Variants in DDX60L observed in about 807,000 individuals in gnomAD.
DDX60L encodes the protein DExD/H-box 60 like, also known as probable ATP-dependent RNA helicase DDX60-like.
Under a neutral mutation model 211.6 loss-of-function variants are expected in DDX60L, and 191 were observed. That is an observed-to-expected ratio of 0.90 (90% confidence interval 0.80 to 1.02). The LOEUF is 1.02. DDX60L is among the 50% of genes least tolerant of loss of function. The pLI is 0.00. For synonymous variants in DDX60L, 706 were observed against 694.1 expected (o/e 1.02, Z -0.27); for missense variants, 2,007 against 1,984.1 (o/e 1.01, Z -0.22).
rs558879140 is a variant in DDX60L, at chr4:168,376,538, A to G, written c.4486-1014T>C. On this transcript the variant is annotated intron_variant, in intron 33 of 37. Coordinates refer to ENST00000682922, the MANE Select transcript of DDX60L (RefSeq NM_001012967.3). Reference sequence around the variant, plus strand: ...AAGAATGCCCCTACCAACTCCTTACAGTGGATAGTATGACAATTTCCACAA... The same window carrying G: ...AAGAATGCCCCTACCAACTCCTTACGGTGGATAGTATGACAATTTCCACAA... Among the ~76,000 whole-genome samples the G allele has an allele frequency of 5.8e-4, 89 of 152,356 alleles. 1 individual carries two copies. The South Asian group carries it at 0.015, about 25-fold the overall frequency.
chr4:168,426,354 G>A (rs948830876), intron 14 of DDX60L, among the ~76,000 whole-genome samples: 1 of 152,058 alleles, frequency 6.6e-6, no homozygotes, highest in African/African-American at 2.4e-5. Context: ...TGTATATGTC[G>A]GTTCCCCTTG....
At chr4:168,475,702 C>T (rs949578131) in intron 1 of DDX60L, among the ~76,000 whole-genome samples, 1 of 151,516 alleles carries the variant, frequency 6.6e-6, no homozygotes, top group Non-Finnish European at 1.5e-5. Context: ...ATGTTATATA[C>T]TAAATGTTTA....
chr4:168,430,674 T>C (rs1260449062), intron 12 of DDX60L, 36 bp from the exon 13 acceptor site: 1 of 1,446,206 alleles, frequency 6.9e-7, no homozygotes, highest in Non-Finnish European at 9.2e-7. Flanking sequence ...AACATGTATT[T>C]TAAAATATTG....
At chr4:168,369,640 G>A (rs931125403) in intron 36 of DDX60L, among the ~76,000 whole-genome samples, 4 of 152,048 alleles carry the variant, frequency 2.6e-5, no homozygotes, top group Non-Finnish European at 5.9e-5. Context: ...ACAGAGTGGA[G>A]AGATAACCTA....
intron 7 of DDX60L, among the ~76,000 whole-genome samples, chr4:168,455,385 C>T (rs1209349053): frequency 1.3e-5 from 2 of 151,388 alleles, no homozygotes; most frequent in Non-Finnish European, 2.9e-5. Context: ...AAGCTGAAAA[C>T]AATTATAAAA....
chr4:168,410,657 A>G (rs1561011343), intron 22 of DDX60L, among the ~76,000 whole-genome samples: 1 of 152,248 alleles, frequency 6.6e-6, no homozygotes, highest in African/African-American at 2.4e-5. Flanking sequence ...TAACAGAGAT[A>G]GGATGGAAAA....
chr4:168,427,035 A>G (rs1439857060), intron 14 of DDX60L, 35 bp downstream of exon 14: 1 of 1,550,268 alleles, frequency 6.5e-7, no homozygotes, highest in African/African-American at 1.4e-5. Flanking sequence ...TATTTTCATC[A>G]CTACTCTTTA....
Position 168,375,506 on chromosome 4 carries a change from G to A in DDX60L, c.4504C>T (p.Pro1502Ser). The A allele has an allele frequency of 6.2e-7, 1 of 1,609,802 alleles. No homozygotes were observed. Among genetic ancestry groups the A allele is most frequent in the East Asian group, 2.2e-5 (1 of 44,682 alleles). Residue 1502 changes from proline to serine, a missense_variant, in exon 34 of 38, where the codon CCG becomes TCG. Physicochemically the swap from Pro to Ser is moderately conservative, Grantham distance 74. Transcript: ENST00000682922. ...SQSKVILAEL[P>S]EDFKAALYEY... ...TATAAAGCAGCTTTAAAATCCTCCG[G>A]GAGTTCGGCAAGGATCACCTATGGG...
At position 168,374,359 on chromosome 4, in the gene DDX60L, A is replaced by G. The variant is rs576057849; in HGVS notation, c.4634-551T>C. On this transcript the variant is annotated intron_variant, in intron 34 of 37. Coordinates refer to ENST00000682922, the MANE Select transcript of DDX60L (RefSeq NM_001012967.3). ...GCTTACCTCCCTGTCTTTTACTCCAACTATGACTATATTAGGAGACAGGGG... is the reference window on the plus strand; with the variant it reads ...GCTTACCTCCCTGTCTTTTACTCCAGCTATGACTATATTAGGAGACAGGGG... 2.0e-5 allele frequency among the ~76,000 whole-genome samples: 3 copies of G among 152,256 alleles called. No individual in the cohort carries two copies. The South Asian group carries it at 6.2e-4, about 32-fold the overall frequency.
rs1344864757 is a variant in DDX60L at position 168,450,039 on chromosome 4, C to T, written c.997-1260G>A. ...GATAACAGCCCTTTCTCAAAACAAA[C>T]CCCCTTCATTCCTGGGGACTCGGCG... On this transcript the variant is annotated intron_variant, in intron 8 of 37. Coordinates refer to ENST00000682922, the MANE Select transcript of DDX60L (RefSeq NM_001012967.3). Among the ~76,000 whole-genome samples, 4 of 152,120 alleles carry T rather than the reference C, an allele frequency of 2.6e-5. No individual in the cohort carries two copies. The East Asian group carries it at 7.7e-4, about 29-fold the overall frequency.
Position 168,384,621 on chromosome 4 carries a change from G to A in DDX60L, c.4107C>T (p.Ala1369=), listed in dbSNP as rs1279494001. Residue 1369 remains alanine, a synonymous_variant, in exon 30 of 38, where the codon GCC becomes GCT. Transcript: ENST00000682922. ...LASKGDDPED[A]KAKVLSVLKH... ...GTGTCCAGCACGGTACCTTTGCCTT[G>A]GCATCCTCTGGGTCATCTCCCTTGG... 2 of 1,613,768 alleles carry A rather than the reference G, an allele frequency of 1.2e-6. No individual in the cohort carries two copies. The highest frequency in any genetic ancestry group is 3.3e-5 in the Admixed American group (2 of 59,932).
chr4:168,373,333 A>G (rs1046687526), intron 35 of DDX60L, among the ~76,000 whole-genome samples: 1 of 152,178 alleles, frequency 6.6e-6, no homozygotes, highest in African/African-American at 2.4e-5. Context: ...GGTCTGGAGT[A>G]GAAAAGCACT....
At chr4:168,428,200 G>T (rs1751770063) in intron 13 of DDX60L, among the ~76,000 whole-genome samples, 1 of 152,214 alleles carries the variant, frequency 6.6e-6, no homozygotes, top group African/African-American at 2.4e-5. Flanking sequence ...CCTCAGCCCA[G>T]AGGAGGTTAG....
chr4:168,458,002 T>C lies in DDX60L; in HGVS notation c.613A>G (p.Thr205Ala), dbSNP rs1446350511. Residue 205 changes from threonine (T) to alanine (A), a missense_variant, in exon 6 of 38, where the codon ACA becomes GCA. Thr to Ala is a moderately conservative substitution (Grantham distance 58). Coordinates refer to ENST00000682922, the MANE Select transcript of DDX60L (RefSeq NM_001012967.3). ...RNQTFSKENE[T>A]VIQSAYKSLI... ...CTTTTATATGCACTCTGAATCACTG[T>C]TTCATTCTGTAAAAGGGAGAAAACC... 2 of 1,523,912 alleles carry C rather than the reference T, an allele frequency of 1.3e-6. No individual in the cohort carries two copies. The highest frequency in any genetic ancestry group is 4.0e-5 in the Admixed American group (2 of 50,314). 94.4% of individuals were successfully genotyped at this position (1,523,912 alleles called of 1,614,324 possible).
chr4:168,361,846 TAGTTTCG>T (rs1739163437), intron 36 of DDX60L, among the ~76,000 whole-genome samples: 2 of 152,300 alleles, frequency 1.3e-5, no homozygotes, highest in East Asian at 3.9e-4. Context: ...GAAGTTTAAG[TAGTTTCG>T]TTGCCCCAGA....
At chr4:168,440,955 T>C (rs1753744455) in intron 10 of DDX60L, among the ~76,000 whole-genome samples, 1 of 152,072 alleles carries the variant, frequency 6.6e-6, no homozygotes, top group African/African-American at 2.4e-5. Context: ...ATACACTATA[T>C]GACTCCATCC....
intron 36 of DDX60L, among the ~76,000 whole-genome samples, chr4:168,371,075 A>G (rs1179074405): frequency 1.1e-4 from 5 of 47,246 alleles, no homozygotes; most frequent in African/African-American, 3.3e-4. Context: ...ATTTCATAAA[A>G]AAGATTTATT....
At chr4:168,443,739 A>G (rs1754307404) in intron 9 of DDX60L, among the ~76,000 whole-genome samples, 1 of 150,252 alleles carries the variant, frequency 6.7e-6, no homozygotes, top group African/African-American at 2.5e-5. Flanking sequence ...TCTTAAAGAA[A>G]AGAATTTTCA....
chr4:168,369,559 G>A (rs1180655241), intron 36 of DDX60L, among the ~76,000 whole-genome samples: 2 of 148,780 alleles, frequency 1.3e-5, no homozygotes, highest in Non-Finnish European at 3.0e-5. Context: ...CTCAAAAACA[G>A]AAGCAATAAA....
Sources: allele counts gnomAD v4.1 joint callset (sites outside exome capture counted in the v4.1 genomes callset), GRCh38; gene constraint gnomAD v4.1.1; transcripts MANE v1.5; gene names NCBI Gene and HGNC (gene_info 2026-07-23, HGNC 2026-07-21).